Variants in PTPN3 observed in about 807,000 individuals in gnomAD.
PTPN3 encodes protein tyrosine phosphatase non-receptor type 3.
Under a neutral mutation model 132.7 loss-of-function variants are expected in PTPN3, and 96 were observed. The observed-to-expected ratio is 0.72, with a 90% CI of 0.61 to 0.86. The LOEUF is 0.86. PTPN3 is among the 40% of genes least tolerant of loss of function. The pLI, the probability that PTPN3 is intolerant of heterozygous loss-of-function variation, is 0.00. For synonymous variants in PTPN3, 398 were observed against 429.0 expected, an observed-to-expected ratio of 0.93 and a Z score of 0.89; for missense variants, 1,125 against 1,159.6, an observed-to-expected ratio of 0.97 and a Z score of 0.43.
intron 4 of PTPN3, 78 bp from the exon 5 acceptor site, chr9:109,454,652 T>A: frequency 8.9e-7 from 1 of 1,121,746 alleles, no homozygotes; most frequent in Non-Finnish European, 1.3e-6. Flanking sequence ...CTTCCATAAG[T>A]GATGCATTTT....
At chr9:109,412,377 A>AT (rs60379815) in intron 14 of PTPN3, among the ~76,000 whole-genome samples, 16,145 of 142,562 alleles carry the variant, frequency 0.11, 1,738 homozygotes, top group African/African-American at 0.29. Flanking sequence ...ACTAATTTTA[A>AT]TTTTTTTTTT....
chr9:109,537,934 A>T, the PTPN3 span, among the ~76,000 whole-genome samples: 2 of 152,264 alleles, frequency 1.3e-5, no homozygotes, highest in Non-Finnish European at 2.9e-5. Flanking sequence ...TTGCTGTCAT[A>T]GAAGTGTAGT....
intron 9 of PTPN3, among the ~76,000 whole-genome samples, chr9:109,435,170 CA>C (rs1351558774): frequency 3.3e-5 from 5 of 152,086 alleles, no homozygotes; most frequent in Non-Finnish European, 7.4e-5. Context: ...GGCCAAAGAC[CA>C]GGTCTCAAAT....
At position 109,375,730 on chromosome 9, in the gene PTPN3, A is replaced by G. The variant is rs2131553633; in HGVS notation, c.*3826T>C. ...TAGCTTGAACATTTTTATATTGATT[A>G]AATTGTTTTTCAGTAGAATCACTGA... is the stretch of plus-strand genomic sequence containing the variant. On this transcript the variant is annotated 3_prime_UTR_variant, in exon 26 of 26. Coordinates refer to ENST00000374541, the MANE Select transcript of PTPN3 (RefSeq NM_002829.4). The G allele has an allele frequency of 6.6e-6, 1 of 152,418 alleles. No homozygotes were observed. Among genetic ancestry groups the G allele is most frequent in the Non-Finnish European group, 1.5e-5 (1 of 68,050 alleles). The allele number at this position is 152,418 out of a possible 1,614,324, so 9.4% of individuals were successfully genotyped here. A position where few individuals can be genotyped will look rare whatever the true frequency, so the allele number is the denominator to read the frequency against.
At chr9:109,407,221 GA>G in intron 17 of PTPN3, among the ~76,000 whole-genome samples, 1 of 152,160 alleles carries the variant, frequency 6.6e-6, no homozygotes, top group East Asian at 1.9e-4. Flanking sequence ...AAAAGCAGAT[GA>G]TTAAAAGGTA....
At chr9:109,534,305 G>A in the PTPN3 span, 1 of 1,529,234 alleles carries the variant, frequency 6.5e-7, no homozygotes, top group Non-Finnish European at 8.7e-7. Flanking sequence ...GCGGCGGGCG[G>A]CTGCTGGGTC....
At chr9:109,513,097 C>T in the PTPN3 span, among the ~76,000 whole-genome samples, 38 of 152,354 alleles carry the variant, frequency 2.5e-4, no homozygotes, top group African/African-American at 8.9e-4. Context: ...CAGCCTCAAC[C>T]TCCTGGGTCT....
the PTPN3 span, among the ~76,000 whole-genome samples, chr9:109,508,705 A>T: frequency 6.9e-6 from 1 of 143,922 alleles, no homozygotes; most frequent in East Asian, 1.9e-4. Context: ...TTGCTAGCTT[A>T]ATAATCAATC....
chr9:109,427,086 G>C lies in PTPN3; in HGVS notation c.865C>G (p.Leu289Val), dbSNP rs1161511203. 1 of 1,614,026 alleles carries C rather than the reference G, an allele frequency of 6.2e-7. No homozygotes were observed. The highest frequency in any genetic ancestry group is 1.3e-5 in the African/African-American group (1 of 74,924). ...SREHIVAFNM[L>V]NYRSCKNLWK... Reference sequence around the variant, plus strand: ...AAGTTTTTGCAAGATCGGTAATTCAGCATGTTGAAGGCCACAATATGTTCC... The same window carrying C: ...AAGTTTTTGCAAGATCGGTAATTCACCATGTTGAAGGCCACAATATGTTCC... Residue 289 changes from leucine (L) to valine (V), a missense_variant, in exon 12 of 26, where the codon CTG (leucine) becomes GTG (valine). Coordinates refer to ENST00000374541, the MANE Select transcript of PTPN3 (RefSeq NM_002829.4).
chr9:109,437,460 T>C (rs969783848), intron 8 of PTPN3, among the ~76,000 whole-genome samples: 2 of 152,204 alleles, frequency 1.3e-5, no homozygotes, highest in African/African-American at 4.8e-5. Flanking sequence ...GCCTTTGTTT[T>C]TATGGCTTTC....
At chr9:109,459,608 G>C (rs907850036) in intron 2 of PTPN3, among the ~76,000 whole-genome samples, 1 of 152,134 alleles carries the variant, frequency 6.6e-6, no homozygotes, top group Admixed American at 6.5e-5. Flanking sequence ...CTGGAGTGCA[G>C]TGGTACAATT....
At chr9:109,441,125 C>T (rs1323227549) in intron 7 of PTPN3, among the ~76,000 whole-genome samples, 1 of 152,170 alleles carries the variant, frequency 6.6e-6, no homozygotes, top group East Asian at 1.9e-4. Context: ...CTGCTCTTAC[C>T]TACTTACTAT....
intron 21 of PTPN3, among the ~76,000 whole-genome samples, chr9:109,390,181 T>C (rs1036775078): frequency 6.6e-6 from 1 of 152,200 alleles, no homozygotes; most frequent in Admixed American, 6.5e-5. Context: ...ACACCGGGAA[T>C]GTTGAAGTGA....
chr9:109,527,170 A>G, the PTPN3 span, among the ~76,000 whole-genome samples: 1 of 152,244 alleles, frequency 6.6e-6, no homozygotes, highest in Non-Finnish European at 1.5e-5. Flanking sequence ...ATTAAAATGA[A>G]TAACTTCTGG....
At chr9:109,450,365 T>C (rs1030131689) in intron 5 of PTPN3, 1 of 984,768 alleles carries the variant, frequency 1.0e-6, no homozygotes, top group Non-Finnish European at 1.2e-6. Flanking sequence ...CCTCCTACAA[T>C]GCTACTGAGA....
Position 109,388,209 on chromosome 9 carries a change from G to C in PTPN3, c.2253+1024C>G, listed in dbSNP as rs140199020. 4.5e-3 allele frequency among the ~76,000 whole-genome samples: 684 copies of C among 152,338 alleles called. 5 individuals are homozygous for C. Among genetic ancestry groups the C allele is most frequent in the African/African-American group, 0.016 (657 of 41,576 alleles). On this transcript the variant is annotated intron_variant, in intron 22 of 25. Transcript: ENST00000374541. ...TAATCTGGAAGAACTGGTGGGTGGT[G>C]ATGTGGACGGGTTAGGGCCTTCAGG... is the stretch of plus-strand genomic sequence containing the variant.
intron 6 of PTPN3, among the ~76,000 whole-genome samples, chr9:109,446,616 G>T (rs1282852555): frequency 2.6e-5 from 4 of 152,186 alleles, no homozygotes; most frequent in African/African-American, 9.7e-5. Flanking sequence ...TTAAATCTAC[G>T]CCAGTGTCCT....
At chr9:109,463,169 T>A in intron 2 of PTPN3, 128 bp downstream of exon 2, 1 of 1,026,610 alleles carries the variant, frequency 9.7e-7, no homozygotes, top group Non-Finnish European at 1.4e-6. Flanking sequence ...AATCTCAACA[T>A]ACAAGATCTG....
chr9:109,396,890 A>G (rs1390733833), intron 19 of PTPN3, among the ~76,000 whole-genome samples: 1 of 152,192 alleles, frequency 6.6e-6, no homozygotes, highest in Admixed American at 6.5e-5. Context: ...TCACTCAACC[A>G]AAGGTGTGCA....
Sources: allele counts gnomAD v4.1 joint callset (sites outside exome capture counted in the v4.1 genomes callset), GRCh38; gene constraint gnomAD v4.1.1; transcripts MANE v1.5; gene names NCBI Gene and HGNC (gene_info 2026-07-23, HGNC 2026-07-21).